Variants in OTUD7A observed in about 807,000 individuals in gnomAD.
OTUD7A encodes the protein OTU deubiquitinase 7A.
Under a neutral mutation model 65.7 loss-of-function variants are expected in OTUD7A, and 12 were observed. The ratio of observed to expected loss-of-function variants is 0.18; its 90% CI spans 0.12 to 0.30. OTUD7A has a LOEUF of 0.30. OTUD7A is among the 10% of genes least tolerant of loss of function. The pLI, the probability that OTUD7A is intolerant of heterozygous loss-of-function variation, is 1.00. For missense variants in OTUD7A, 1,148 were observed against 1,304.8 expected (o/e 0.88, Z 1.85); for synonymous variants, 641 against 586.3 (o/e 1.09, Z -1.35).
At chr15:31,772,056 T>A (rs1895249904) in intron 1 of OTUD7A, among the ~76,000 whole-genome samples, 2 of 151,652 alleles carry the variant, frequency 1.3e-5, no homozygotes, top group South Asian at 4.2e-4. Flanking sequence ...ATCGAGACCA[T>A]CCCGGCTAAA....
At chr15:31,762,203 C>A (rs1455668824) in intron 1 of OTUD7A, among the ~76,000 whole-genome samples, 2 of 152,184 alleles carry the variant, frequency 1.3e-5, no homozygotes, top group Non-Finnish European at 2.9e-5. Context: ...GATGTGGTAG[C>A]AATTCTGCAG....
chr15:31,541,025 C>T (rs1204707568), intron 5 of OTUD7A, among the ~76,000 whole-genome samples: 1 of 152,146 alleles, frequency 6.6e-6, no homozygotes, highest in Non-Finnish European at 1.5e-5. Flanking sequence ...CATAGGGAGA[C>T]AGTGAATTGG....
At chr15:31,785,997 C>G (rs373837389) in intron 1 of OTUD7A, among the ~76,000 whole-genome samples, 43 of 152,184 alleles carry the variant, frequency 2.8e-4, no homozygotes, top group African/African-American at 9.4e-4. Context: ...TTAATCCATT[C>G]AAATCCATTC....
chr15:31,660,983 G>A lies in OTUD7A; in HGVS notation c.-99-3906C>T, dbSNP rs377483469. Among the ~76,000 whole-genome samples, 446 of 152,330 alleles carry A rather than the reference G, an allele frequency of 2.9e-3. 5 individuals are homozygous for A. Among genetic ancestry groups the A allele is most frequent in the African/African-American group, 0.01 (432 of 41,576 alleles). On this transcript the variant is annotated intron_variant, in intron 1 of 12. Coordinates refer to ENST00000307050, the MANE Select transcript of OTUD7A (RefSeq NM_001382637.1). ...CCATTTCACTTGTCCAGCAGGTGCC[G>A]CGGGCTGGACACCCAATGGGCCCAA...
chr15:31,661,866 TA>T (rs1892174384), intron 1 of OTUD7A, among the ~76,000 whole-genome samples: 1 of 152,274 alleles, frequency 6.6e-6, no homozygotes. Context: ...ATGTCTTTTT[TA>T]ATCTACAGAT....
intron 3 of OTUD7A, among the ~76,000 whole-genome samples, chr15:31,637,287 C>T (rs1253950007): frequency 6.6e-6 from 1 of 152,212 alleles, no homozygotes; most frequent in Non-Finnish European, 1.5e-5. Context: ...ACTAAATCTA[C>T]TCTTCCTGTG....
intron 1 of OTUD7A, among the ~76,000 whole-genome samples, chr15:31,682,071 G>T (rs1195721889): frequency 2.0e-5 from 3 of 152,148 alleles, no homozygotes; most frequent in Admixed American, 2.0e-4. Context: ...GAGGACTGGG[G>T]ATTTTGCAAA....
intron 7 of OTUD7A, 68 bp from the exon 8 acceptor site, chr15:31,526,529 C>T: frequency 2.3e-6 from 3 of 1,322,100 alleles, no homozygotes; most frequent in Non-Finnish European, 2.0e-6. Context: ...TCCTCACCCT[C>T]CCAATCTGGA....
chr15:31,672,958 C>T (rs1407226666), intron 1 of OTUD7A, among the ~76,000 whole-genome samples: 3 of 152,126 alleles, frequency 2.0e-5, no homozygotes, highest in Admixed American at 2.0e-4. Context: ...TCCAGGGTTC[C>T]TCCTATGACA....
At chr15:31,661,153 A>G (rs1892152765) in intron 1 of OTUD7A, among the ~76,000 whole-genome samples, 2 of 152,238 alleles carry the variant, frequency 1.3e-5, no homozygotes, top group Admixed American at 1.3e-4. Context: ...CACTTATTAT[A>G]CTTTTTCATA....
chr15:31,642,449 T>TGGAA (rs935321228), intron 3 of OTUD7A, among the ~76,000 whole-genome samples: 58 of 152,332 alleles, frequency 3.8e-4, no homozygotes, highest in African/African-American at 1.3e-3. Flanking sequence ...TTCAATTTCC[T>TGGAA]GGAAGAGCTG....
At chr15:31,855,954 G>A (rs572308960) in intron 1 of OTUD7A, among the ~76,000 whole-genome samples, 6 of 152,288 alleles carry the variant, frequency 3.9e-5, no homozygotes, top group South Asian at 2.1e-4. Context: ...TTGAGTGGCC[G>A]GGGGACATTA....
chr15:31,699,493 G>T (rs1485129699), intron 1 of OTUD7A, among the ~76,000 whole-genome samples: 1 of 152,072 alleles, frequency 6.6e-6, no homozygotes, highest in Non-Finnish European at 1.5e-5. Context: ...GTTTGGGGAG[G>T]GGGCTCTGAT....
intron 8 of OTUD7A, among the ~76,000 whole-genome samples, chr15:31,524,580 C>T (rs1185772544): frequency 6.6e-6 from 1 of 151,826 alleles, no homozygotes; most frequent in Non-Finnish European, 1.5e-5. Context: ...CCCCCAACAC[C>T]ACCCATACCT....
chr15:31,532,883 G>A (rs549798389), intron 5 of OTUD7A, among the ~76,000 whole-genome samples: 4 of 141,450 alleles, frequency 2.8e-5, no homozygotes, highest in Non-Finnish European at 6.0e-5. Context: ...GTAGGGAGCC[G>A]AAATCGCGCC....
At chr15:31,682,229 C>A (rs565497762) in intron 1 of OTUD7A, among the ~76,000 whole-genome samples, 1 of 152,270 alleles carries the variant, frequency 6.6e-6, no homozygotes, top group African/African-American at 2.4e-5. Context: ...AAAATTCAGA[C>A]AAAAGAGACC....
chr15:31,692,921 C>G (rs9331435), intron 1 of OTUD7A, among the ~76,000 whole-genome samples: 76,302 of 142,694 alleles, frequency 0.53, 14,526 homozygotes, highest in East Asian at 0.66. Flanking sequence ...AACCCTCACA[C>G]ACTTGCACTG....
intron 1 of OTUD7A, among the ~76,000 whole-genome samples, chr15:31,736,924 T>G (rs1249604802): frequency 2.0e-5 from 3 of 151,948 alleles, no homozygotes; most frequent in African/African-American, 7.3e-5. Context: ...CAGGTTCAAG[T>G]GATTCTCCTG....
At chr15:31,807,009 C>T (rs538437566) in intron 1 of OTUD7A, among the ~76,000 whole-genome samples, 1 of 152,306 alleles carries the variant, frequency 6.6e-6, no homozygotes, top group East Asian at 1.9e-4. Flanking sequence ...GCCACATGTG[C>T]CACTCTACCA....
Sources: allele counts gnomAD v4.1 joint callset (sites outside exome capture counted in the v4.1 genomes callset), GRCh38; gene constraint gnomAD v4.1.1; transcripts MANE v1.5; gene names NCBI Gene and HGNC (gene_info 2026-07-23, HGNC 2026-07-21).